Variants in HTR7 observed in about 807,000 individuals in gnomAD.
HTR7 encodes the protein 5-HT-7.
HTR7 carries 16 observed loss-of-function variants against 34.0 expected under a neutral mutation model. That is an observed-to-expected ratio of 0.47 (90% confidence interval 0.32 to 0.71). The LOEUF (loss-of-function observed/expected upper bound fraction) is 0.71. Ranked by LOEUF, HTR7 falls within the 30% of genes least tolerant of loss-of-function variation. The pLI is 0.04. For missense variants in HTR7, 504 were observed against 625.5 expected, an observed-to-expected ratio of 0.81 and a Z score of 2.07; for synonymous variants, 265 against 260.2, an observed-to-expected ratio of 1.02 and a Z score of -0.18.
At chr10:90,759,685 A>AC (rs373466954) in intron 1 of HTR7, among the ~76,000 whole-genome samples, 2 of 141,528 alleles carry the variant, frequency 1.4e-5, no homozygotes, top group African/African-American at 5.2e-5. Flanking sequence ...AAAAAAAAAA[A>AC]CCAGGGAAAC....
At chr10:90,820,047 T>C (rs976398898) in intron 1 of HTR7, among the ~76,000 whole-genome samples, 1 of 152,134 alleles carries the variant, frequency 6.6e-6, no homozygotes. Flanking sequence ...GGAAAATCTA[T>C]TTAAAAAAAG....
chr10:90,749,653 C>G lies in HTR7; in HGVS notation c.540-59G>C. 1 of 1,500,936 alleles carries G rather than the reference C, an allele frequency of 6.7e-7. No individual in the cohort carries two copies. The highest frequency in any genetic ancestry group is 1.8e-4 in the Middle Eastern group (1 of 5,646). The allele number at this position is 1,500,936 out of a possible 1,614,324, so 93.0% of individuals were successfully genotyped here. On this transcript the variant is annotated intron_variant, in intron 1 of 3. Transcript: ENST00000336152. The surrounding 1 kb of genome is among the most constrained non-coding windows in gnomAD (Gnocchi z 4.2). ...CCGTGATCATAACTGGTCAACCAAGCAAGTCCTGCCAGCCAGGTACCAGCG... is the reference window on the plus strand; with the variant it reads ...CCGTGATCATAACTGGTCAACCAAGGAAGTCCTGCCAGCCAGGTACCAGCG...
rs112150062 is a variant in HTR7, at chr10:90,811,068, C to T, written c.539+46065G>A. Reference sequence around the variant, plus strand: ...TAAATCCTTTCCCCACTCCTTTTTCCGTTCCTTGAAGACAGCTTTAGAGAC... The same window carrying T: ...TAAATCCTTTCCCCACTCCTTTTTCTGTTCCTTGAAGACAGCTTTAGAGAC... On this transcript the variant is annotated intron_variant, in intron 1 of 3. Coordinates refer to ENST00000336152, the MANE Select transcript of HTR7 (RefSeq NM_019859.4). Among the ~76,000 whole-genome samples the T allele has an allele frequency of 7.9e-5, 12 of 152,250 alleles. 1 individual carries two copies. Among genetic ancestry groups the T allele is most frequent in the African/African-American group, 1.7e-4 (7 of 41,560 alleles).
At chr10:90,809,778 G>A (rs1845773154) in intron 1 of HTR7, among the ~76,000 whole-genome samples, 1 of 152,178 alleles carries the variant, frequency 6.6e-6, no homozygotes, top group Non-Finnish European at 1.5e-5. Flanking sequence ...CATCTGTGCA[G>A]GACCCCACTG....
At chr10:90,810,383 T>C (rs1007265261) in intron 1 of HTR7, among the ~76,000 whole-genome samples, 6 of 152,082 alleles carry the variant, frequency 3.9e-5, no homozygotes, top group Admixed American at 2.0e-4. Flanking sequence ...CTCATTAAAA[T>C]CTAATCACCC....
intron 1 of HTR7, among the ~76,000 whole-genome samples, chr10:90,774,253 G>A (rs969005235): frequency 1.3e-5 from 2 of 152,162 alleles, no homozygotes; most frequent in Admixed American, 6.5e-5. Flanking sequence ...AATCAGCACA[G>A]ATTACATGAA....
At chr10:90,751,415 C>G (rs1276402199) in intron 1 of HTR7, among the ~76,000 whole-genome samples, 2 of 152,140 alleles carry the variant, frequency 1.3e-5, no homozygotes, top group Non-Finnish European at 2.9e-5. Flanking sequence ...CCCCAGCAGC[C>G]TTTCCCAGAC....
intron 1 of HTR7, among the ~76,000 whole-genome samples, chr10:90,751,508 A>C (rs1000568727): frequency 2.5e-4 from 38 of 152,076 alleles, no homozygotes; most frequent in African/African-American, 9.2e-4. Flanking sequence ...CATCCAAGAC[A>C]TGAGCCCAGG....
intron 1 of HTR7, among the ~76,000 whole-genome samples, chr10:90,809,040 CA>C (rs1179101415): frequency 1.3e-5 from 2 of 152,190 alleles, no homozygotes; most frequent in African/African-American, 4.8e-5. Context: ...CCTGTCCCCT[CA>C]GTCCCAACCC....
chr10:90,838,933 TCTAC>T (rs1162772836), intron 1 of HTR7, among the ~76,000 whole-genome samples: 1 of 152,264 alleles, frequency 6.6e-6, no homozygotes, highest in Non-Finnish European at 1.5e-5. Context: ...CTGTTTCTTA[TCTAC>T]CTGTTTATTC....
At chr10:90,851,290 T>C (rs1168072804) in intron 1 of HTR7, among the ~76,000 whole-genome samples, 2 of 152,098 alleles carry the variant, frequency 1.3e-5, no homozygotes, top group African/African-American at 4.8e-5. Context: ...TAAAATTCCA[T>C]ACTCAGTGAA....
At chr10:90,843,212 C>T (rs1442838287) in intron 1 of HTR7, among the ~76,000 whole-genome samples, 1 of 151,728 alleles carries the variant, frequency 6.6e-6, no homozygotes, top group Admixed American at 6.6e-5. Flanking sequence ...CTTCCTTCCG[C>T]AGTCAATCCA....
chr10:90,796,824 C>G (rs2119903957), intron 1 of HTR7, among the ~76,000 whole-genome samples: 1 of 152,182 alleles, frequency 6.6e-6, no homozygotes, highest in South Asian at 2.1e-4. Flanking sequence ...CCGGCTAACA[C>G]AGTGAAACCC....
At chr10:90,835,408 C>A (rs972953749) in intron 1 of HTR7, among the ~76,000 whole-genome samples, 3 of 152,294 alleles carry the variant, frequency 2.0e-5, no homozygotes, top group African/African-American at 7.2e-5. Flanking sequence ...ATGGTCCTGG[C>A]AGCTATGATG....
chr10:90,794,140 T>C (rs1845500421), intron 1 of HTR7, among the ~76,000 whole-genome samples: 1 of 152,154 alleles, frequency 6.6e-6, no homozygotes, highest in Non-Finnish European at 1.5e-5. Context: ...ATTTAAACCA[T>C]ATAACCAATA....
At position 90,857,429 on chromosome 10, in the gene HTR7, T is replaced by C; in HGVS notation, c.243A>G (p.Lys81=). Residue 81 remains lysine (K), a synonymous_variant, in exon 1 of 4, where the codon AAA becomes AAG. Transcript: ENST00000336152. This position sits in a 1 kb window ranked among gnomAD's most constrained non-coding sequence, Gnocchi z 6.5. ...GEQINYGRVE[K]VVIGSILTLI... ...GCGTCAGGATGGAGCCGATCACAAC[T>C]TTCTCGACTCTGCCGTAGTTGATCT... 1.2e-6 allele frequency: 2 copies of C among 1,614,014 alleles called. No individual in the cohort carries two copies. The highest frequency in any genetic ancestry group is 2.2e-5 in the East Asian group (1 of 44,846).
chr10:90,767,157 T>C (rs955465124), intron 1 of HTR7, among the ~76,000 whole-genome samples: 2 of 152,126 alleles, frequency 1.3e-5, no homozygotes, highest in African/African-American at 4.8e-5. Flanking sequence ...CTCAATTGAA[T>C]AGGGCTACTG....
intron 1 of HTR7, among the ~76,000 whole-genome samples, chr10:90,792,372 T>C (rs1020666325): frequency 6.6e-6 from 1 of 152,134 alleles, no homozygotes; most frequent in Admixed American, 6.6e-5. Context: ...TTTTTTGTTT[T>C]GTTTTTGGTT....
chr10:90,747,633 T>C (rs60844040), intron 2 of HTR7, among the ~76,000 whole-genome samples: 5,251 of 152,264 alleles, frequency 0.034, 238 homozygotes, highest in East Asian at 0.17. Context: ...ACTAGCTAAG[T>C]GTGAGACATC....
Sources: allele counts gnomAD v4.1 joint callset (sites outside exome capture counted in the v4.1 genomes callset), GRCh38; gene constraint gnomAD v4.1.1; non-coding constraint Gnocchi (gnomAD v3.1); transcripts MANE v1.5; gene names NCBI Gene and HGNC (gene_info 2026-07-23, HGNC 2026-07-21).